Variants in MKLN1 observed in about 807,000 individuals in gnomAD.
MKLN1 encodes muskelin 1, also known as muskelin.
In MKLN1, 18 loss-of-function variants were observed where a neutral mutation model predicts 99.0. The ratio of observed to expected loss-of-function variants is 0.18; its 90% CI spans 0.13 to 0.27. The LOEUF (loss-of-function observed/expected upper bound fraction) is 0.27. Ranked by LOEUF, MKLN1 falls within the 10% of genes least tolerant of loss-of-function variation. The pLI is 1.00. For missense variants in MKLN1, 621 were observed against 875.9 expected (o/e 0.71, Z 3.67); for synonymous variants, 288 against 293.2 (o/e 0.98, Z 0.18).
At chr7:131,429,251 G>A in intron 9 of MKLN1, 106 bp downstream of exon 9, 1 of 676,400 alleles carries the variant, frequency 1.5e-6, no homozygotes, top group Non-Finnish European at 2.4e-6. Context: ...AGCAGTAGTA[G>A]CAATAGAATT....
At chr7:131,207,747 T>A (rs984781855) in intron 3 of MKLN1, among the ~76,000 whole-genome samples, 1 of 152,036 alleles carries the variant, frequency 6.6e-6, no homozygotes, top group African/African-American at 2.4e-5. Context: ...ATTGCAAAGG[T>A]CTGGAAAAGG....
chr7:131,487,580 G>A lies in MKLN1; in HGVS notation c.2087-27G>A. ...TCTGTTACATGTTTTAAACACAATG[G>A]ATGTTTCTTTGTATCTTCTTCACCA... On this transcript the variant is annotated intron_variant, in intron 17 of 17. Coordinates refer to ENST00000352689, the MANE Select transcript of MKLN1 (RefSeq NM_013255.5). This position sits in a 1 kb window ranked among gnomAD's most constrained non-coding sequence, Gnocchi z 4.7. The A allele has an allele frequency of 1.2e-6, 2 of 1,606,448 alleles. No individual in the cohort carries two copies. Among genetic ancestry groups the A allele is most frequent in the Non-Finnish European group, 1.7e-6 (2 of 1,177,280 alleles).
chr7:131,406,605 T>C (rs945912745), intron 6 of MKLN1, among the ~76,000 whole-genome samples: 7 of 152,052 alleles, frequency 4.6e-5, no homozygotes, highest in African/African-American at 1.7e-4. Context: ...TTTGCGTCTT[T>C]AATCTTATGT....
intron 2 of MKLN1, among the ~76,000 whole-genome samples, chr7:131,185,433 A>AAT (rs1263241870): frequency 4.0e-5 from 6 of 151,204 alleles, no homozygotes; most frequent in Non-Finnish European, 7.4e-5. Flanking sequence ...CAAAAAAAAA[A>AAT]AAAATTAGCC....
At chr7:131,451,606 A>T (rs974004256) in intron 12 of MKLN1, among the ~76,000 whole-genome samples, 12 of 152,302 alleles carry the variant, frequency 7.9e-5, no homozygotes, top group African/African-American at 2.9e-4. Flanking sequence ...ACAGTGTAAC[A>T]ATTTTATGCT....
intron 3 of MKLN1, among the ~76,000 whole-genome samples, chr7:131,230,131 T>G (rs983296532): frequency 6.6e-6 from 1 of 152,232 alleles, no homozygotes; most frequent in Admixed American, 6.5e-5. Context: ...AACCCTTGCC[T>G]GGCATGGCCT....
chr7:131,398,282 G>C (rs1173068968), intron 5 of MKLN1, among the ~76,000 whole-genome samples: 1 of 151,968 alleles, frequency 6.6e-6, no homozygotes, highest in East Asian at 1.9e-4. Context: ...TTGTATTTTT[G>C]GCATCTATCC....
intron 4 of MKLN1, among the ~76,000 whole-genome samples, chr7:131,392,907 AT>A (rs761089064): frequency 0.014 from 2,015 of 141,942 alleles, 13 homozygotes; most frequent in African/African-American, 0.025. Context: ...GCCTGGCCTA[AT>A]TTTTTTTTTT....
In MKLN1 at chr7:131,142,818, A is replaced by G; in HGVS notation, c.-418-2A>G. On this transcript the variant is annotated splice_acceptor_variant, in intron 1 of 7. Coordinates refer to the MKLN1 transcript ENST00000416992. LOFTEE classifies it low-confidence loss of function (5UTR_SPLICE). ...TCTGTCCCTTGTGGGCTTCTTTTCCAGAGTTCCATATCCAGACTCTCAAAC... is the reference window on the plus strand; with the variant it reads ...TCTGTCCCTTGTGGGCTTCTTTTCCGGAGTTCCATATCCAGACTCTCAAAC... 1 of 917,956 alleles carries G rather than the reference A, an allele frequency of 1.1e-6. No individual in the cohort carries two copies. The highest frequency in any genetic ancestry group is 1.5e-6 in the Non-Finnish European group (1 of 652,522). 56.9% of individuals were successfully genotyped at this position (917,956 alleles called of 1,614,324 possible).
At chr7:131,408,605 G>A (rs75181911) in intron 6 of MKLN1, among the ~76,000 whole-genome samples, 73 of 152,202 alleles carry the variant, frequency 4.8e-4, no homozygotes, top group Middle Eastern at 3.4e-3. Flanking sequence ...CCTAAATCAT[G>A]TTTTTTAAAT....
chr7:131,247,905 G>A (rs200340419), intron 3 of MKLN1, among the ~76,000 whole-genome samples: 12 of 124,326 alleles, frequency 9.7e-5, no homozygotes, highest in African/African-American at 3.4e-4. Flanking sequence ...TTGTTTGTGC[G>A]TGTGTGTGTT....
chr7:131,209,036 G>C (rs1406715257), intron 3 of MKLN1, among the ~76,000 whole-genome samples: 2 of 152,180 alleles, frequency 1.3e-5, no homozygotes, highest in African/African-American at 4.8e-5. Flanking sequence ...GGAGGAGCTG[G>C]TCATGAAAAG....
At chr7:131,444,385 G>A (rs1795933574) in intron 11 of MKLN1, among the ~76,000 whole-genome samples, 1 of 151,832 alleles carries the variant, frequency 6.6e-6, no homozygotes, top group South Asian at 2.1e-4. Flanking sequence ...CTGCGGTGTT[G>A]GGATTACAGG....
intron 10 of MKLN1, among the ~76,000 whole-genome samples, chr7:131,441,209 A>G (rs1008045404): frequency 3.3e-5 from 5 of 152,160 alleles, no homozygotes; most frequent in African/African-American, 1.2e-4. Context: ...TGATATTCTC[A>G]CTGGGTCATG....
At chr7:131,436,782 A>G (rs568013192) in intron 9 of MKLN1, among the ~76,000 whole-genome samples, 4 of 152,248 alleles carry the variant, frequency 2.6e-5, no homozygotes, top group African/African-American at 7.2e-5. Context: ...CTATACTACA[A>G]TATTTTTTAT....
chr7:131,182,166 A>G (rs565237457), intron 2 of MKLN1, among the ~76,000 whole-genome samples: 2 of 152,284 alleles, frequency 1.3e-5, no homozygotes, highest in African/African-American at 4.8e-5. Context: ...ATGTTCATCA[A>G]TAGAGTTAAT....
intron 2 of MKLN1, among the ~76,000 whole-genome samples, chr7:131,379,053 G>A (rs1410749307): frequency 6.6e-6 from 1 of 152,130 alleles, no homozygotes. Flanking sequence ...TATAGCTTAT[G>A]TATTGGTTTT....
chr7:131,156,777 T>TTC (rs1795975706), intron 2 of MKLN1, among the ~76,000 whole-genome samples: 1 of 152,212 alleles, frequency 6.6e-6, no homozygotes, highest in Non-Finnish European at 1.5e-5. Flanking sequence ...AACCCCATTG[T>TTC]AAGTTGAGGA....
At chr7:131,235,397 G>C (rs1198070481) in intron 3 of MKLN1, among the ~76,000 whole-genome samples, 1 of 152,038 alleles carries the variant, frequency 6.6e-6, no homozygotes, top group Non-Finnish European at 1.5e-5. Context: ...TTTCTCAGCA[G>C]AATGTATGTT....
Sources: allele counts gnomAD v4.1 joint callset (sites outside exome capture counted in the v4.1 genomes callset), GRCh38; gene constraint gnomAD v4.1.1; non-coding constraint Gnocchi (gnomAD v3.1); transcripts MANE v1.5; gene names NCBI Gene and HGNC (gene_info 2026-07-23, HGNC 2026-07-21).